Variants in FOXO1 observed in about 807,000 individuals in gnomAD.
FOXO1 encodes the protein forkhead box protein O1.
A neutral mutation model predicts 44.1 loss-of-function variants in FOXO1; 6 were observed. The ratio of observed to expected loss-of-function variants is 0.14; its 90% CI spans 0.07 to 0.27. The LOEUF (loss-of-function observed/expected upper bound fraction) is 0.27, where lower values mean the gene tolerates loss of function less well. Among genes scored for constraint, FOXO1 ranks in the 10% least tolerant of loss-of-function variants. FOXO1 has a pLI of 1.00. For synonymous variants in FOXO1, 380 were observed against 362.7 expected, an observed-to-expected ratio of 1.05 and a Z score of -0.54; for missense variants, 737 against 888.8, an observed-to-expected ratio of 0.83 and a Z score of 2.17.
At chr13:40,660,816 C>T (rs983531000) in intron 1 of FOXO1, among the ~76,000 whole-genome samples, 2 of 152,134 alleles carry the variant, frequency 1.3e-5, no homozygotes, top group African/African-American at 4.8e-5. Context: ...GTGGCTCGTG[C>T]CGATAATCCC....
intron 1 of FOXO1, among the ~76,000 whole-genome samples, chr13:40,626,673 C>T (rs564779956): frequency 6.6e-6 from 1 of 152,276 alleles, no homozygotes; most frequent in African/African-American, 2.4e-5. Context: ...TTAAAGTGAA[C>T]GTCTCCATAT....
intron 1 of FOXO1, among the ~76,000 whole-genome samples, chr13:40,657,310 CTTTTT>C (rs1178841975): frequency 8.0e-6 from 1 of 124,842 alleles, no homozygotes; most frequent in African/African-American, 3.4e-5. Flanking sequence ...ATCTCCCATC[CTTTTT>C]TTTCTTTTTT....
chr13:40,585,442 T>C (rs1875128989), intron 1 of FOXO1, among the ~76,000 whole-genome samples: 1 of 151,866 alleles, frequency 6.6e-6, no homozygotes, highest in African/African-American at 2.4e-5. Context: ...AGGGACTCAG[T>C]GGAAAGGACA....
intron 1 of FOXO1, among the ~76,000 whole-genome samples, chr13:40,627,539 A>G (rs757227225): frequency 2.2e-4 from 34 of 152,142 alleles, no homozygotes; most frequent in Non-Finnish European, 1.5e-5. Flanking sequence ...CTGTATTAAC[A>G]ATAACTTTCC....
At chr13:40,570,944 T>G (rs1349020709) in intron 1 of FOXO1, among the ~76,000 whole-genome samples, 1 of 152,184 alleles carries the variant, frequency 6.6e-6, no homozygotes, top group African/African-American at 2.4e-5. Context: ...CTTAATCACT[T>G]TCCTTCTATA....
intron 1 of FOXO1, among the ~76,000 whole-genome samples, chr13:40,565,882 G>A (rs1248363594): frequency 6.6e-6 from 1 of 152,112 alleles, no homozygotes; most frequent in East Asian, 1.9e-4. Context: ...ACACTGCACT[G>A]CTCTCACTTA....
At chr13:40,607,355 A>C (rs1204040613) in intron 1 of FOXO1, among the ~76,000 whole-genome samples, 1 of 152,252 alleles carries the variant, frequency 6.6e-6, no homozygotes, top group East Asian at 1.9e-4. Context: ...TCTGAAGCAG[A>C]AAGCTGTCCA....
chr13:40,618,864 CGAT>C, intron 1 of FOXO1: 1 of 527,086 alleles, frequency 1.9e-6, no homozygotes. Flanking sequence ...CCTGAGAACT[CGAT>C]GAAGATTATC....
In FOXO1 at chr13:40,560,183, C is replaced by T. The variant is rs767235452; in HGVS notation, c.1308G>A (p.Gln436=). Residue 436 remains glutamine, a synonymous_variant, in exon 2 of 3, where the codon CAG becomes CAA. Coordinates refer to ENST00000379561, the MANE Select transcript of FOXO1 (RefSeq NM_002015.4). The surrounding 1 kb of genome is among the most constrained non-coding windows in gnomAD (Gnocchi z 5.1). ...YGQSSMSPLP[Q]MPIQTLQDNK... Reference sequence around the variant, plus strand: ...TGTCCTGAAGTGTTTGTATAGGCATCTGGGGCAAAGGGCTCATGCTGGATT... The same window carrying T: ...TGTCCTGAAGTGTTTGTATAGGCATTTGGGGCAAAGGGCTCATGCTGGATT... 1.2e-6 allele frequency: 2 copies of T among 1,614,168 alleles called. No individual in the cohort carries two copies. The highest frequency in any genetic ancestry group is 1.7e-6 in the Non-Finnish European group (2 of 1,180,026).
At chr13:40,619,888 G>C in intron 1 of FOXO1, 1 of 717,548 alleles carries the variant, frequency 1.4e-6, no homozygotes, top group Non-Finnish European at 2.6e-6. Flanking sequence ...ACATGTTTGG[G>C]AAAATGGGGC....
chr13:40,638,479 C>G (rs1003049706), intron 1 of FOXO1, among the ~76,000 whole-genome samples: 1 of 151,950 alleles, frequency 6.6e-6, no homozygotes, highest in East Asian at 1.9e-4. Flanking sequence ...TTCCTGGGAC[C>G]AGAAAGGAAA....
chr13:40,585,963 C>G (rs989510932), intron 1 of FOXO1, among the ~76,000 whole-genome samples: 3 of 152,184 alleles, frequency 2.0e-5, no homozygotes, highest in Non-Finnish European at 4.4e-5. Flanking sequence ...ATTGTGTGTT[C>G]AAGTGACTGA....
intron 1 of FOXO1, among the ~76,000 whole-genome samples, chr13:40,631,883 T>C (rs1229652642): frequency 1.3e-5 from 2 of 152,188 alleles, no homozygotes; most frequent in Admixed American, 6.5e-5. Flanking sequence ...GTACTTAATG[T>C]CACGGAACAG....
intron 2 of FOXO1, 21 bp downstream of exon 2, chr13:40,559,488 T>C (rs1457620341): frequency 6.6e-7 from 1 of 1,525,794 alleles, no homozygotes; most frequent in Admixed American, 2.2e-5. Context: ...AAAAGGTCTT[T>C]TGATATTGGG....
At chr13:40,659,143 T>C (rs965942769) in intron 1 of FOXO1, among the ~76,000 whole-genome samples, 1 of 151,722 alleles carries the variant, frequency 6.6e-6, no homozygotes, top group Non-Finnish European at 1.5e-5. Context: ...GGTGAAACCC[T>C]GTCTCTACTA....
chr13:40,655,813 T>A (rs1356414932), intron 1 of FOXO1, among the ~76,000 whole-genome samples: 1 of 151,958 alleles, frequency 6.6e-6, no homozygotes, highest in Non-Finnish European at 1.5e-5. Context: ...TGGCTAATTT[T>A]TTGTATTTTT....
At chr13:40,648,992 TTG>T in intron 1 of FOXO1, among the ~76,000 whole-genome samples, 1 of 152,208 alleles carries the variant, frequency 6.6e-6, no homozygotes, top group Admixed American at 6.5e-5. Context: ...GGCTGCTAAC[TTG>T]TTTCAGGCCA....
At chr13:40,621,012 G>A (rs1876595810) in intron 1 of FOXO1, 1 of 168,612 alleles carries the variant, frequency 5.9e-6, no homozygotes, top group Non-Finnish European at 1.3e-5. Context: ...TGGCCAGGCT[G>A]GTCTTCAACT....
rs558069595 is a variant in FOXO1, at chr13:40,624,487, T to C, written c.630+41096A>G. Among the ~76,000 whole-genome samples, 13 of 152,294 alleles carry C rather than the reference T, an allele frequency of 8.5e-5. No homozygotes were observed. The South Asian group carries it at 1.5e-3, about 17-fold the overall frequency. ...TCATCCAATCACTTATAACATGTGTTGTAAGTGATCAGTTCTGATTCATAC... is the reference window on the plus strand; with the variant it reads ...TCATCCAATCACTTATAACATGTGTCGTAAGTGATCAGTTCTGATTCATAC... On this transcript the variant is annotated intron_variant, in intron 1 of 2. Transcript: ENST00000379561.
Sources: allele counts gnomAD v4.1 joint callset (sites outside exome capture counted in the v4.1 genomes callset), GRCh38; gene constraint gnomAD v4.1.1; non-coding constraint Gnocchi (gnomAD v3.1); transcripts MANE v1.5; gene names NCBI Gene and HGNC (gene_info 2026-07-23, HGNC 2026-07-21).